GALNTL6: variants seen among roughly 807,000 people sequenced by gnomAD.
The protein encoded by GALNTL6 is polypeptide N-acetylgalactosaminyltransferase-like 6.
In GALNTL6, 46 loss-of-function variants were observed where a neutral mutation model predicts 73.7. That is an observed-to-expected ratio of 0.62 (90% confidence interval 0.49 to 0.80). The LOEUF (loss-of-function observed/expected upper bound fraction) is 0.80, where lower values mean the gene tolerates loss of function less well. Among genes scored for constraint, GALNTL6 ranks in the 30% least tolerant of loss-of-function variants. The pLI is 0.00. For missense variants in GALNTL6, 604 were observed against 755.0 expected (o/e 0.80, Z 2.34); for synonymous variants, 259 against 263.7 (o/e 0.98, Z 0.17).
At chr4:172,357,634 T>TATAC (rs138075846) in intron 5 of GALNTL6, among the ~76,000 whole-genome samples, 2,131 of 145,818 alleles carry the variant, frequency 0.015, 48 homozygotes, top group African/African-American at 0.051. Context: ...TATAGATATA[T>TATAC]ACACACACAC....
intron 2 of GALNTL6, among the ~76,000 whole-genome samples, chr4:171,817,832 T>A (rs1734561606): frequency 6.6e-6 from 1 of 151,636 alleles, no homozygotes; most frequent in African/African-American, 2.4e-5. Context: ...TGGTTTGGGA[T>A]CTGCAAAATT....
At chr4:172,015,848 G>A (rs763112079) in intron 2 of GALNTL6, among the ~76,000 whole-genome samples, 4 of 150,916 alleles carry the variant, frequency 2.7e-5, no homozygotes, top group South Asian at 2.1e-4. Context: ...TTTCTTTCAG[G>A]AGGCTAAAGA....
At chr4:171,895,471 C>T (rs570990226) in intron 2 of GALNTL6, among the ~76,000 whole-genome samples, 21 of 152,030 alleles carry the variant, frequency 1.4e-4, no homozygotes, top group Non-Finnish European at 2.2e-4. Context: ...ACCTCTGAGT[C>T]GTGTATGCAT....
At chr4:172,427,108 T>G (rs1230666704) in intron 5 of GALNTL6, among the ~76,000 whole-genome samples, 3 of 152,088 alleles carry the variant, frequency 2.0e-5, no homozygotes, top group Admixed American at 1.3e-4. Context: ...CTTCATAAAA[T>G]GCAAAGTTTT....
intron 10 of GALNTL6, among the ~76,000 whole-genome samples, chr4:173,008,000 T>G (rs1014095840): frequency 6.6e-6 from 1 of 152,246 alleles, no homozygotes; most frequent in African/African-American, 2.4e-5. Context: ...TCAGGCTTTA[T>G]GTAGAGAATC....
chr4:172,268,783 T>C (rs1738538105), intron 3 of GALNTL6, among the ~76,000 whole-genome samples: 1 of 152,166 alleles, frequency 6.6e-6, no homozygotes, highest in East Asian at 1.9e-4. Context: ...CAGGAGCTCA[T>C]GCTCTCCCTC....
chr4:172,497,892 G>A (rs570435389), intron 5 of GALNTL6, among the ~76,000 whole-genome samples: 4 of 151,740 alleles, frequency 2.6e-5, no homozygotes, highest in Admixed American at 2.6e-4. Flanking sequence ...AATGCCAGGA[G>A]AATTTATAAA....
intron 5 of GALNTL6, among the ~76,000 whole-genome samples, chr4:172,691,007 T>C (rs1579344174): frequency 6.6e-6 from 1 of 152,158 alleles, no homozygotes; most frequent in Non-Finnish European, 1.5e-5. Context: ...AATACAAAAC[T>C]AGTCAACATT....
intron 5 of GALNTL6, among the ~76,000 whole-genome samples, chr4:172,395,156 G>A (rs1010416251): frequency 2.6e-5 from 4 of 152,108 alleles, no homozygotes; most frequent in Admixed American, 6.6e-5. Context: ...ATTAACTTAT[G>A]TCCAAAGAGG....
At chr4:172,215,301 T>C (rs1736460524) in intron 2 of GALNTL6, among the ~76,000 whole-genome samples, 1 of 152,146 alleles carries the variant, frequency 6.6e-6, no homozygotes, top group African/African-American at 2.4e-5. Context: ...ACTCTATCTT[T>C]ACTAGTTTTC....
At chr4:172,443,769 G>A (rs1422926298) in intron 5 of GALNTL6, among the ~76,000 whole-genome samples, 1 of 152,118 alleles carries the variant, frequency 6.6e-6, no homozygotes, top group Non-Finnish European at 1.5e-5. Flanking sequence ...TTAAAAATAT[G>A]TTTATCTTTC....
chr4:172,662,665 G>C (rs879705285), intron 5 of GALNTL6, among the ~76,000 whole-genome samples: 4 of 152,206 alleles, frequency 2.6e-5, no homozygotes, highest in Non-Finnish European at 5.9e-5. Context: ...CATTCAATTG[G>C]TACCCAGTGA....
intron 2 of GALNTL6, 22 bp from the exon 3 acceptor site, chr4:172,229,634 T>C: frequency 6.6e-7 from 1 of 1,507,174 alleles, no homozygotes; most frequent in Admixed American, 1.7e-5. Flanking sequence ...TTTTTATGCT[T>C]GAATACTTTC....
intron 7 of GALNTL6, among the ~76,000 whole-genome samples, chr4:172,830,579 C>A (rs894909092): frequency 6.6e-6 from 1 of 152,208 alleles, no homozygotes; most frequent in Non-Finnish European, 1.5e-5. Flanking sequence ...GGAATAACAT[C>A]CAGGCCGGAT....
At chr4:172,151,556 G>A (rs1734087482) in intron 2 of GALNTL6, among the ~76,000 whole-genome samples, 1 of 152,220 alleles carries the variant, frequency 6.6e-6, no homozygotes. Context: ...AACGTCAGGA[G>A]GAGTGTTTTG....
chr4:172,242,838 C>T (rs570984989), intron 3 of GALNTL6, among the ~76,000 whole-genome samples: 4 of 152,330 alleles, frequency 2.6e-5, no homozygotes, highest in East Asian at 3.9e-4. Context: ...TGTTTATTGG[C>T]ACTGCGGCCA....
intron 5 of GALNTL6, among the ~76,000 whole-genome samples, chr4:172,700,281 T>G (rs1733952294): frequency 6.6e-6 from 1 of 152,110 alleles, no homozygotes; most frequent in African/African-American, 2.4e-5. Flanking sequence ...CAATTATTGT[T>G]GAAGAAAAAT....
At chr4:171,945,163 A>G (rs1333338785) in intron 2 of GALNTL6, among the ~76,000 whole-genome samples, 4 of 152,068 alleles carry the variant, frequency 2.6e-5, no homozygotes, top group Non-Finnish European at 5.9e-5. Flanking sequence ...TTTCCCCTTT[A>G]CAACCAACTC....
At chr4:172,047,926 C>A (rs1505492) in intron 2 of GALNTL6, among the ~76,000 whole-genome samples, 2 of 151,950 alleles carry the variant, frequency 1.3e-5, no homozygotes, top group Non-Finnish European at 2.9e-5. Context: ...AACATTTTTT[C>A]CACTTGAGTA....
Sources: gnomAD v4.1 joint callset for allele counts (sites outside exome capture counted in the v4.1 genomes callset) on GRCh38, gnomAD v4.1.1 for gene constraint, MANE v1.5 for transcripts, NCBI Gene and HGNC (gene_info 2026-07-23, HGNC 2026-07-21) for gene names.